The following PDE10A variants were observed in gnomAD, a reference collection of about 807,000 sequenced individuals.
The protein encoded by PDE10A is phosphodiesterase 10A.
Under a neutral mutation model 97.7 loss-of-function variants are expected in PDE10A, and 39 were observed. The ratio of observed to expected loss-of-function variants is 0.40; its 90% CI spans 0.31 to 0.52. PDE10A has a LOEUF of 0.52. PDE10A is among the 20% of genes least tolerant of loss of function. PDE10A has a pLI of 0.56. For synonymous variants in PDE10A, 371 were observed against 376.8 expected (o/e 0.98, Z 0.18); for missense variants, 731 against 1,047.8 (o/e 0.70, Z 4.17).
intron 1 of PDE10A, chr6:165,949,178 T>G (rs776656505): frequency 6.6e-6 from 1 of 152,252 alleles, no homozygotes; most frequent in Non-Finnish European, 1.5e-5. Context: ...CATGGCAAGA[T>G]GAAATCAGTT....
intron 1 of PDE10A, among the ~76,000 whole-genome samples, chr6:165,953,718 T>C (rs1784044233): frequency 6.6e-6 from 1 of 152,244 alleles, no homozygotes; most frequent in South Asian, 2.1e-4. Context: ...GTGTGGCATA[T>C]CTGTTACAAG....
At chr6:165,878,087 A>G (rs1781391011) in intron 1 of PDE10A, among the ~76,000 whole-genome samples, 1 of 152,212 alleles carries the variant, frequency 6.6e-6, no homozygotes, top group Non-Finnish European at 1.5e-5. Flanking sequence ...GATACTTAGC[A>G]GAAACAAAAG....
At chr6:165,446,903 G>A (rs747330776) in intron 5 of PDE10A, among the ~76,000 whole-genome samples, 15 of 152,104 alleles carry the variant, frequency 9.9e-5, no homozygotes, top group Non-Finnish European at 1.8e-4. Flanking sequence ...TTAGAATAAG[G>A]AGCCAGAATA....
At chr6:165,730,961 G>A (rs1440435331) in intron 1 of PDE10A, among the ~76,000 whole-genome samples, 2 of 152,044 alleles carry the variant, frequency 1.3e-5, no homozygotes, top group Non-Finnish European at 2.9e-5. Context: ...CAGGAGAATC[G>A]CTTGAACCAG....
rs144465587 is a variant in PDE10A, at chr6:165,654,784, C to T, written c.865+7163G>A. Among the ~76,000 whole-genome samples, 911 of 152,276 alleles carry T rather than the reference C, an allele frequency of 6.0e-3. 3 individuals carry two copies. Among genetic ancestry groups the T allele is most frequent in the Non-Finnish European group, 9.2e-3 (624 of 68,024 alleles). On this transcript the variant is annotated intron_variant, in intron 1 of 21. Coordinates refer to ENST00000539869, the MANE Select transcript of PDE10A (RefSeq NM_001385079.1). Reference sequence around the variant, plus strand: ...CACCGCAATCTCCCGACCGAGGCCACGGACGACCTCCTGGCTGCTGGAACT... The same window carrying T: ...CACCGCAATCTCCCGACCGAGGCCATGGACGACCTCCTGGCTGCTGGAACT...
chr6:165,537,366 G>C (rs970218757), intron 2 of PDE10A, among the ~76,000 whole-genome samples: 2 of 151,888 alleles, frequency 1.3e-5, no homozygotes, highest in Non-Finnish European at 2.9e-5. Context: ...TCTAGTATTT[G>C]GTAGCACAAT....
chr6:165,614,277 C>A (rs1201401217), intron 1 of PDE10A, among the ~76,000 whole-genome samples: 1 of 152,164 alleles, frequency 6.6e-6, no homozygotes, highest in African/African-American at 2.4e-5. Flanking sequence ...CCTTAAAAAT[C>A]TTTAGTCAAT....
chr6:165,929,225 A>G (rs1423722550), intron 1 of PDE10A, among the ~76,000 whole-genome samples: 2 of 152,118 alleles, frequency 1.3e-5, no homozygotes, highest in Admixed American at 1.3e-4. Context: ...AAGAACTAAA[A>G]CAAGATGCTT....
chr6:165,976,448 A>G (rs2128502770), intron 1 of PDE10A, among the ~76,000 whole-genome samples: 1 of 152,348 alleles, frequency 6.6e-6, no homozygotes, highest in South Asian at 2.1e-4. Context: ...AATGGCTTCA[A>G]TATAGCTCAA....
intron 2 of PDE10A, among the ~76,000 whole-genome samples, chr6:165,536,881 G>T (rs1318585142): frequency 6.6e-6 from 1 of 152,004 alleles, no homozygotes; most frequent in Non-Finnish European, 1.5e-5. Flanking sequence ...ATGGAAAACA[G>T]TATGGAGGCT....
intron 1 of PDE10A, among the ~76,000 whole-genome samples, chr6:165,720,949 A>C (rs58807511): frequency 0.15 from 22,158 of 152,186 alleles, 2,786 homozygotes; most frequent in African/African-American, 0.33. Flanking sequence ...TGCAATGTTC[A>C]TGGGTTTGGA....
intron 1 of PDE10A, among the ~76,000 whole-genome samples, chr6:165,574,938 A>G (rs1412372440): frequency 6.6e-6 from 1 of 152,202 alleles, no homozygotes; most frequent in African/African-American, 2.4e-5. Context: ...ATGAATAAGT[A>G]GAAAAATTAT....
intron 1 of PDE10A, among the ~76,000 whole-genome samples, chr6:165,790,792 C>T (rs1778625083): frequency 6.6e-6 from 1 of 152,094 alleles, no homozygotes; most frequent in Admixed American, 6.5e-5. Context: ...CACACTGTGT[C>T]CTGTGATGTG....
At chr6:165,666,769 A>C (rs578238059), upstream of PDE10A, among the ~76,000 whole-genome samples, 1 of 151,602 alleles carries the variant, frequency 6.6e-6, no homozygotes, top group African/African-American at 2.4e-5. Flanking sequence ...GAACTTATGT[A>C]TTTTATCTGC....
intron 1 of PDE10A, among the ~76,000 whole-genome samples, chr6:165,915,806 T>C (rs1161446802): frequency 6.6e-6 from 1 of 152,238 alleles, no homozygotes; most frequent in Non-Finnish European, 1.5e-5. Flanking sequence ...TTTACTTTCC[T>C]GCTTTTTCTG....
At chr6:165,516,922 C>G (rs528894841) in intron 2 of PDE10A, among the ~76,000 whole-genome samples, 22 of 152,208 alleles carry the variant, frequency 1.4e-4, no homozygotes, top group African/African-American at 4.8e-4. Context: ...TATAATTACT[C>G]TAAAGAATAC....
intron 1 of PDE10A, among the ~76,000 whole-genome samples, chr6:165,898,076 C>A (rs1191333583): frequency 1.3e-5 from 2 of 151,294 alleles, no homozygotes; most frequent in Non-Finnish European, 2.9e-5. Flanking sequence ...CCCCCTCCTA[C>A]CTTGCGCTGG....
At chr6:165,422,450 TATACACACACAGGC>T (rs1788787301) in intron 10 of PDE10A, among the ~76,000 whole-genome samples, 1 of 127,232 alleles carries the variant, frequency 7.9e-6, no homozygotes, top group Admixed American at 7.2e-5. Context: ...CACATACGCA[TATACACACACAGGC>T]ATACACACAT....
At chr6:165,980,396 CTTTATTTA>C (rs58993878) in intron 1 of PDE10A, among the ~76,000 whole-genome samples, 1 of 151,514 alleles carries the variant, frequency 6.6e-6, no homozygotes, top group African/African-American at 2.4e-5. Context: ...CTTATGAAAG[CTTTATTTA>C]TTTATAAAAG....
Sources: allele counts gnomAD v4.1 joint callset (sites outside exome capture counted in the v4.1 genomes callset), GRCh38; gene constraint gnomAD v4.1.1; transcripts MANE v1.5; gene names NCBI Gene and HGNC (gene_info 2026-07-23, HGNC 2026-07-21).